FOXO3: variants seen among roughly 807,000 people sequenced by gnomAD.
The protein encoded by FOXO3 is forkhead box O3.
In FOXO3, 4 loss-of-function variants were observed where a neutral mutation model predicts 41.9. That is an observed-to-expected ratio of 0.10 (90% CI 0.05 to 0.22). The LOEUF (loss-of-function observed/expected upper bound fraction) is 0.22. Among genes scored for constraint, FOXO3 ranks in the 10% least tolerant of loss-of-function variants. The pLI is 1.00. For synonymous variants in FOXO3, 318 were observed against 389.3 expected, an observed-to-expected ratio of 0.82 and a Z score of 2.16; for missense variants, 534 against 906.8, an observed-to-expected ratio of 0.59 and a Z score of 5.28.
At chr6:108,608,506 A>G (rs1306291663) in intron 1 of FOXO3, among the ~76,000 whole-genome samples, 1 of 152,216 alleles carries the variant, frequency 6.6e-6, no homozygotes, top group Admixed American at 6.5e-5. Context: ...AAAAAAAACA[A>G]CTACTCTTTT....
chr6:108,573,114 A>T (rs1437202700), intron 1 of FOXO3, among the ~76,000 whole-genome samples: 1 of 151,930 alleles, frequency 6.6e-6, no homozygotes, highest in Non-Finnish European at 1.5e-5. Flanking sequence ...GTGAAACCCC[A>T]TCTCTACTAA....
intron 1 of FOXO3, among the ~76,000 whole-genome samples, chr6:108,615,655 T>C (rs1239230523): frequency 6.6e-6 from 1 of 151,962 alleles, no homozygotes; most frequent in Non-Finnish European, 1.5e-5. Flanking sequence ...TTTCTTCAGA[T>C]TTTTTTTCCA....
chr6:108,645,364 A>G (rs1778366511), intron 1 of FOXO3, among the ~76,000 whole-genome samples: 1 of 152,166 alleles, frequency 6.6e-6, no homozygotes, highest in Admixed American at 6.5e-5. Context: ...TTACCATTGA[A>G]TTAATTCCCA....
At position 108,666,044 on chromosome 6, in the gene FOXO3, T is replaced by G. The variant is rs370926196; in HGVS notation, c.*34+1155T>G. Among the ~76,000 whole-genome samples, 100 of 152,228 alleles carry G rather than the reference T, an allele frequency of 6.6e-4. 1 individual carries two copies. The Middle Eastern group carries it at 0.024, about 36-fold the overall frequency. On this transcript the variant is annotated intron_variant, in intron 2 of 2. Transcript: ENST00000406360. ...TGTGATGTAAGAAAAAGCATTTGAT[T>G]GAAATCAGGAATTGAGGTTCAGGCC...
intron 1 of FOXO3, among the ~76,000 whole-genome samples, chr6:108,564,197 C>G (rs1452431176): frequency 1.3e-5 from 2 of 152,212 alleles, no homozygotes; most frequent in Non-Finnish European, 2.9e-5. Flanking sequence ...TCAAAAGATG[C>G]AGCCATGCAG....
intron 1 of FOXO3, among the ~76,000 whole-genome samples, chr6:108,566,029 C>G (rs1775938852): frequency 6.6e-6 from 1 of 152,090 alleles, no homozygotes; most frequent in African/African-American, 2.4e-5. Context: ...TTTGTAATTT[C>G]CTTTGGCAAT....
chr6:108,560,366 G>A (rs913931623), upstream of FOXO3, among the ~76,000 whole-genome samples: 3 of 152,192 alleles, frequency 2.0e-5, no homozygotes, highest in African/African-American at 7.2e-5. Context: ...ACAAAACCCC[G>A]AAGTGGCCGT....
intron 1 of FOXO3, among the ~76,000 whole-genome samples, chr6:108,578,704 C>T (rs540632374): frequency 5.9e-5 from 9 of 152,018 alleles, no homozygotes; most frequent in East Asian, 5.8e-4. Flanking sequence ...CACTATCAGA[C>T]GGGAGTAGTT....
intron 1 of FOXO3, among the ~76,000 whole-genome samples, chr6:108,597,087 G>A (rs573978675): frequency 1.3e-5 from 2 of 152,334 alleles, no homozygotes; most frequent in South Asian, 2.1e-4. Context: ...CAGCAGCTAA[G>A]TGAGAACAGA....
chr6:108,648,159 G>T (rs1237066270), intron 1 of FOXO3, among the ~76,000 whole-genome samples: 1 of 152,128 alleles, frequency 6.6e-6, no homozygotes, highest in Admixed American at 6.5e-5. Context: ...ATGTTTCCTG[G>T]CCCAGGACTC....
intron 1 of FOXO3, among the ~76,000 whole-genome samples, chr6:108,592,791 T>C (rs1776764282): frequency 6.6e-6 from 1 of 152,144 alleles, no homozygotes; most frequent in Non-Finnish European, 1.5e-5. Context: ...GGTTGCACAT[T>C]TGTTGTGGTT....
intron 1 of FOXO3, among the ~76,000 whole-genome samples, chr6:108,582,137 C>A (rs1212214542): frequency 6.6e-6 from 1 of 152,220 alleles, no homozygotes. Flanking sequence ...CTAACCCTCA[C>A]AGGAATAAAG....
rs1405228132 is a variant in FOXO3, at chr6:108,680,388, TTTC to T, written c.*602_*604del. On this transcript the variant is annotated 3_prime_UTR_variant, in exon 3 of 3. Coordinates refer to ENST00000406360, the MANE Select transcript of FOXO3 (RefSeq NM_001455.4). ...TTACATAAACTAAAGGGGGATTTTC[TTTC>T]TTCTTTTGTTTGGTAGAAAATTATC... is the stretch of plus-strand genomic sequence containing the variant. 6.6e-6 allele frequency: 1 copy of T among 152,550 alleles called. No homozygotes were observed. The highest frequency in any genetic ancestry group is 1.5e-5 in the Non-Finnish European group (1 of 68,042). The allele number at this position is 152,550 out of a possible 1,614,324, so 9.4% of individuals were successfully genotyped here.
At chr6:108,571,453 T>C (rs1776095318) in intron 1 of FOXO3, among the ~76,000 whole-genome samples, 1 of 152,190 alleles carries the variant, frequency 6.6e-6, no homozygotes, top group Non-Finnish European at 1.5e-5. Context: ...TATTGGGAAA[T>C]AGGATCTTTC....
intron 1 of FOXO3, among the ~76,000 whole-genome samples, chr6:108,627,066 T>G (rs906117072): frequency 4.6e-5 from 7 of 152,246 alleles, no homozygotes; most frequent in African/African-American, 1.7e-4. Context: ...GGCAGGCAGG[T>G]AGGGGAATGA....
chr6:108,591,656 C>T (rs527571772), intron 1 of FOXO3, among the ~76,000 whole-genome samples: 77 of 152,288 alleles, frequency 5.1e-4, no homozygotes, highest in African/African-American at 1.7e-3. Context: ...CTTGAGCTGG[C>T]TGTAAACAAA....
At chr6:108,611,032 C>G (rs551325930) in intron 1 of FOXO3, among the ~76,000 whole-genome samples, 5 of 152,300 alleles carry the variant, frequency 3.3e-5, no homozygotes, top group African/African-American at 9.6e-5. Flanking sequence ...CTCTCCCTCC[C>G]CCTACCCACC....
At chr6:108,584,220 T>C (rs1776512561) in intron 1 of FOXO3, among the ~76,000 whole-genome samples, 1 of 152,188 alleles carries the variant, frequency 6.6e-6, no homozygotes, top group Admixed American at 6.5e-5. Context: ...GTTGTTTTTC[T>C]TGGGAGATGG....
At chr6:108,576,889 C>T (rs2128358871) in intron 1 of FOXO3, among the ~76,000 whole-genome samples, 1 of 151,890 alleles carries the variant, frequency 6.6e-6, no homozygotes, top group East Asian at 1.9e-4. Flanking sequence ...ATTTTTTTTT[C>T]AGCTTGTTAC....
Sources: gnomAD v4.1 joint callset for allele counts (sites outside exome capture counted in the v4.1 genomes callset) on GRCh38, gnomAD v4.1.1 for gene constraint, MANE v1.5 for transcripts, NCBI Gene and HGNC (gene_info 2026-07-23, HGNC 2026-07-21) for gene names.